TMEM156: variants seen among roughly 807,000 people sequenced by gnomAD.
The protein encoded by TMEM156 is transmembrane protein 156.
TMEM156 carries 28 observed loss-of-function variants against 30.5 expected under a neutral mutation model. The ratio of observed to expected loss-of-function variants is 0.92; its 90% CI spans 0.68 to 1.26. The LOEUF (loss-of-function observed/expected upper bound fraction) is 1.26, where lower values mean the gene tolerates loss of function less well. Ranked by LOEUF, TMEM156 falls within the 50% of genes most tolerant of loss-of-function variation. The pLI is 0.00. For missense variants in TMEM156, 351 were observed against 340.6 expected (o/e 1.03, Z -0.24); for synonymous variants, 137 against 119.9 (o/e 1.14, Z -0.93).
At chr4:39,014,124 T>A (rs1231909576) in intron 1 of TMEM156, among the ~76,000 whole-genome samples, 1 of 152,222 alleles carries the variant, frequency 6.6e-6, no homozygotes, top group Non-Finnish European at 1.5e-5. Context: ...ATTCTTTATT[T>A]CCCAACCATT....
At chr4:39,029,121 G>T (rs770645965) in intron 1 of TMEM156, among the ~76,000 whole-genome samples, 1 of 151,972 alleles carries the variant, frequency 6.6e-6, no homozygotes, top group Non-Finnish European at 1.5e-5. Context: ...TTATTATTTC[G>T]AAATCAAATC....
At chr4:39,032,130 G>A (rs1577599920) in intron 1 of TMEM156, 96 bp downstream of exon 1, 4 of 736,146 alleles carry the variant, frequency 5.4e-6, no homozygotes, top group Admixed American at 4.9e-5. Context: ...AGCCTATGCA[G>A]CATGTGTCCA....
intron 5 of TMEM156, among the ~76,000 whole-genome samples, chr4:38,977,267 C>T (rs2109876527): frequency 6.6e-6 from 1 of 152,224 alleles, no homozygotes; most frequent in East Asian, 1.9e-4. Flanking sequence ...AAATAATTAT[C>T]CAAGGAAATT....
chr4:39,018,216 T>A (rs1714627594), intron 1 of TMEM156, among the ~76,000 whole-genome samples: 2 of 152,172 alleles, frequency 1.3e-5, no homozygotes, highest in Non-Finnish European at 2.9e-5. Flanking sequence ...CTAAAGTCAA[T>A]CAACAGTTAA....
chr4:38,985,196 T>C (rs1161968314), intron 5 of TMEM156, among the ~76,000 whole-genome samples: 1 of 152,224 alleles, frequency 6.6e-6, no homozygotes, highest in Non-Finnish European at 1.5e-5. Flanking sequence ...AAATTAATTT[T>C]GCCATTGAAA....
intron 2 of TMEM156, among the ~76,000 whole-genome samples, chr4:38,995,917 T>C (rs1272895797): frequency 6.6e-6 from 1 of 152,038 alleles, no homozygotes; most frequent in East Asian, 1.9e-4. Flanking sequence ...AAGGCCACCA[T>C]GATGTGAAGA....
At chr4:39,027,910 C>T (rs1016727803) in intron 1 of TMEM156, among the ~76,000 whole-genome samples, 2 of 152,014 alleles carry the variant, frequency 1.3e-5, no homozygotes, top group African/African-American at 4.8e-5. Context: ...GTGTGCACTG[C>T]CATGCCCGGC....
rs59087758 is a variant in TMEM156 at position 38,986,807 on chromosome 4, CAAAAAAAAAAAAAAAAAAAAAAAAAAAA to C, written c.740-416_740-389del. 7.2e-3 allele frequency among the ~76,000 whole-genome samples: 172 copies of C among 23,754 alleles called. 1 individual carries two copies. Among genetic ancestry groups the C allele is most frequent in the Middle Eastern group, 0.033 (1 of 30 alleles). The allele number at this position is 23,754 out of a possible 152,430, so 15.6% of individuals were successfully genotyped here. ...TGGACGAAAGAGTGAGACTCCATCTCAAAAAAAAAAAAAAAAAAAAAAAAAAAAAAAAAAAAAAAAAAAAGGAAAGCGA... is the reference window on the plus strand; with the variant it reads ...TGGACGAAAGAGTGAGACTCCATCTCAAAAAAAAAAAAAAAAGGAAAGCGA... On this transcript the variant is annotated intron_variant, in intron 4 of 6. Transcript: ENST00000381938.
intron 2 of TMEM156, among the ~76,000 whole-genome samples, chr4:38,996,597 C>T (rs566016118): frequency 6.6e-6 from 1 of 151,834 alleles, no homozygotes; most frequent in South Asian, 2.1e-4. Context: ...GAAAAAAAAA[C>T]ATAAGCGTTG....
At chr4:38,992,724 A>AT (rs1491522429) in intron 3 of TMEM156, among the ~76,000 whole-genome samples, 1 of 53,616 alleles carries the variant, frequency 1.9e-5, no homozygotes. Context: ...ATATATATAT[A>AT]ATATATATAT....
rs545187919 is a variant in TMEM156, at chr4:39,027,360, C to A, written c.88+4866G>T. 3.3e-5 allele frequency among the ~76,000 whole-genome samples: 5 copies of A among 152,150 alleles called. No individual in the cohort carries two copies. In the East Asian group the frequency reaches 9.6e-4, roughly 29 times the overall value. ...ATATGCTCATATTATGTCAGTTTAT[C>A]CTATAGTTGCTTTATCCTTTGTTTT... On this transcript the variant is annotated intron_variant, in intron 1 of 6. Coordinates refer to ENST00000381938, the MANE Select transcript of TMEM156 (RefSeq NM_024943.3).
chr4:38,997,017 T>A (rs1275004218), intron 2 of TMEM156, among the ~76,000 whole-genome samples: 1 of 152,188 alleles, frequency 6.6e-6, no homozygotes, highest in Admixed American at 6.6e-5. Flanking sequence ...GAAAATTTAT[T>A]TAATAAAATT....
In TMEM156 at chr4:38,971,108, G is replaced by C; in HGVS notation, c.853C>G (p.Gln285Glu). The part of the protein sequence containing the change: ...AETTQRLPLD[Q>E]VQEVLPPIPE... Reference sequence around the variant, plus strand: ...ATTGGGGGAAGCACTTCCTGGACTTGATCCAAAGGCAGCCTCTGCGTGGTC... The same window carrying C: ...ATTGGGGGAAGCACTTCCTGGACTTCATCCAAAGGCAGCCTCTGCGTGGTC... The change falls in exon 6 of 7, where the codon CAA becomes GAA. Residue 285 changes from glutamine to glutamate, a missense_variant. Coordinates refer to ENST00000381938, the MANE Select transcript of TMEM156 (RefSeq NM_024943.3). 1.9e-6 allele frequency: 3 copies of C among 1,614,026 alleles called. No individual in the cohort carries two copies. In the South Asian group the frequency reaches 3.3e-5, roughly 18 times the overall value.
intron 1 of TMEM156, among the ~76,000 whole-genome samples, chr4:39,007,475 CAG>C (rs1713821919): frequency 6.6e-6 from 1 of 151,778 alleles, no homozygotes; most frequent in Non-Finnish European, 1.5e-5. Context: ...TGTTTTGAAA[CAG>C]AGTCTTGCTC....
intron 1 of TMEM156, among the ~76,000 whole-genome samples, chr4:38,999,510 T>C (rs780932938): frequency 3.3e-5 from 5 of 152,238 alleles, no homozygotes; most frequent in Non-Finnish European, 7.3e-5. Context: ...GTCAATTGCA[T>C]GGAGTTGAAC....
At chr4:39,024,182 C>G (rs542135654) in intron 1 of TMEM156, among the ~76,000 whole-genome samples, 2 of 152,172 alleles carry the variant, frequency 1.3e-5, no homozygotes, top group Admixed American at 1.3e-4. Context: ...GATATAGACG[C>G]GTGCCACCAC....
intron 1 of TMEM156, among the ~76,000 whole-genome samples, chr4:39,015,937 C>T (rs1714452507): frequency 6.6e-6 from 1 of 152,174 alleles, no homozygotes; most frequent in Non-Finnish European, 1.5e-5. Flanking sequence ...GATTATGAGG[C>T]CTCCCCAGCC....
At chr4:39,027,763 T>C (rs1351823347) in intron 1 of TMEM156, among the ~76,000 whole-genome samples, 1 of 147,950 alleles carries the variant, frequency 6.8e-6, no homozygotes, top group African/African-American at 2.5e-5. Flanking sequence ...TTTTTCTTTT[T>C]TTTTTTTTTT....
intron 2 of TMEM156, among the ~76,000 whole-genome samples, chr4:38,994,443 G>A (rs1712775464): frequency 6.6e-6 from 1 of 152,088 alleles, no homozygotes; most frequent in South Asian, 2.1e-4. Flanking sequence ...AATCAGTAAG[G>A]TGGTTATATT....
Sources: allele counts gnomAD v4.1 joint callset (sites outside exome capture counted in the v4.1 genomes callset), GRCh38; gene constraint gnomAD v4.1.1; transcripts MANE v1.5; gene names NCBI Gene and HGNC (gene_info 2026-07-23, HGNC 2026-07-21).